The following NFYC variants were observed in gnomAD, a reference collection of about 807,000 sequenced individuals.
NFYC encodes CAAT box DNA-binding protein subunit C.
Under a neutral mutation model 53.1 loss-of-function variants are expected in NFYC, and 25 were observed. The ratio of observed to expected loss-of-function variants is 0.47; its 90% CI spans 0.34 to 0.66. The LOEUF is 0.66. NFYC is among the 30% of genes least tolerant of loss of function. The pLI is 0.01. For missense variants in NFYC, 260 were observed against 422.7 expected, an observed-to-expected ratio of 0.62 and a Z score of 3.38; for synonymous variants, 145 against 152.6, an observed-to-expected ratio of 0.95 and a Z score of 0.37.
At chr1:40,693,515 A>G (rs1174407550) in intron 1 of NFYC, among the ~76,000 whole-genome samples, 4 of 152,336 alleles carry the variant, frequency 2.6e-5, no homozygotes, top group South Asian at 2.1e-4. Context: ...TTTTATGTGA[A>G]TGCAACTACA....
intron 1 of NFYC, among the ~76,000 whole-genome samples, chr1:40,736,786 A>T (rs910811417): frequency 3.0e-5 from 4 of 135,382 alleles, no homozygotes; most frequent in African/African-American, 1.1e-4. Context: ...CAGATTTGGG[A>T]TGCTCAACCA....
At position 40,736,820 on chromosome 1, in the gene NFYC, CAAAAAAA is replaced by C. The variant is rs71060396; in HGVS notation, c.-8-1998_-8-1992del. On this transcript the variant is annotated intron_variant, in intron 1 of 9. Transcript: ENST00000447388. ...CAGTAAGTATAATGCAAACTTATTC[CAAAAAAA>C]AAAAAAAAAAAAAAAAAGGCTGGGC... Among the ~76,000 whole-genome samples the C allele has an allele frequency of 1.2e-3, 76 of 63,686 alleles. No individual in the cohort carries two copies. In the East Asian group the frequency reaches 0.019, roughly 16 times the overall value. 41.8% of individuals were successfully genotyped at this position (63,686 alleles called of 152,430 possible).
intron 1 of NFYC, among the ~76,000 whole-genome samples, chr1:40,708,217 A>G (rs1643812874): frequency 6.6e-6 from 1 of 151,674 alleles, no homozygotes. Flanking sequence ...TGGAAGCTGC[A>G]GTGGGAAGAT....
intron 4 of NFYC, among the ~76,000 whole-genome samples, chr1:40,750,212 C>G (rs1239802041): frequency 2.0e-5 from 3 of 151,700 alleles, no homozygotes; most frequent in Non-Finnish European, 4.4e-5. Flanking sequence ...ATGCAGAGCC[C>G]TTGGTCATTG....
intron 1 of NFYC, among the ~76,000 whole-genome samples, chr1:40,694,533 G>A (rs923321187): frequency 1.3e-5 from 2 of 152,216 alleles, no homozygotes; most frequent in African/African-American, 2.4e-5. Flanking sequence ...GGTCATTTCA[G>A]CCTCATTTGG....
chr1:40,746,589 T>G (rs1286813193), intron 2 of NFYC, among the ~76,000 whole-genome samples: 2 of 152,346 alleles, frequency 1.3e-5, no homozygotes, highest in African/African-American at 4.8e-5. Flanking sequence ...GAATCAATCA[T>G]TTGACACCTA....
intron 1 of NFYC, among the ~76,000 whole-genome samples, chr1:40,703,480 T>TAAAAAAAAAAAGAA (rs1171696651): frequency 1.0e-5 from 1 of 97,738 alleles, no homozygotes; most frequent in Non-Finnish European, 1.9e-5. Flanking sequence ...CAATTAGCCC[T>TAAAAAAAAAAAGAA]AAAAAAAAAA....
intron 3 of NFYC, among the ~76,000 whole-genome samples, chr1:40,747,893 T>C (rs1645699402): frequency 6.6e-6 from 1 of 151,562 alleles, no homozygotes; most frequent in African/African-American, 2.4e-5. Context: ...CGCAGTGCAG[T>C]GGTGCGAGCT....
At chr1:40,691,923 G>A (rs577049896) in intron 1 of NFYC, 56 bp downstream of exon 1, 15 of 341,448 alleles carry the variant, frequency 4.4e-5, no homozygotes, top group African/African-American at 2.9e-4. Context: ...GGCGGCGGGG[G>A]GAGGGGCAGC....
chr1:40,716,157 G>T (rs1036510359), intron 1 of NFYC, among the ~76,000 whole-genome samples: 4 of 152,106 alleles, frequency 2.6e-5, no homozygotes, highest in African/African-American at 9.7e-5. Context: ...TTTTTGTGGA[G>T]ACTTTAAAAA....
intron 4 of NFYC, among the ~76,000 whole-genome samples, chr1:40,752,854 A>G (rs1231819924): frequency 1.3e-5 from 2 of 152,032 alleles, no homozygotes; most frequent in African/African-American, 4.8e-5. Flanking sequence ...TGAGATTACT[A>G]GGTTTGTAAT....
At chr1:40,718,742 A>G (rs1644227541) in intron 1 of NFYC, among the ~76,000 whole-genome samples, 1 of 152,234 alleles carries the variant, frequency 6.6e-6, no homozygotes, top group African/African-American at 2.4e-5. Flanking sequence ...TAGGTATTCT[A>G]TGGTATTCCT....
intron 9 of NFYC, among the ~76,000 whole-genome samples, chr1:40,769,768 C>T (rs1054246903): frequency 6.6e-6 from 1 of 152,058 alleles, no homozygotes; most frequent in South Asian, 2.1e-4. Context: ...TATTTTTTTC[C>T]CCTCTAAGCC....
intron 1 of NFYC, chr1:40,712,937 A>C (rs1313954948): frequency 1.3e-5 from 2 of 152,112 alleles, no homozygotes; most frequent in African/African-American, 4.8e-5. Context: ...CCTGGACTCA[A>C]GTGATCCTCC....
rs556604706 is a variant in NFYC at position 40,753,073 on chromosome 1, C to A, written c.292-78C>A. The A allele has an allele frequency of 4.5e-5, 47 of 1,047,708 alleles. No homozygotes were observed. The East Asian group carries it at 9.5e-4, about 21-fold the overall frequency. 64.9% of individuals were successfully genotyped at this position (1,047,708 alleles called of 1,614,324 possible). On this transcript the variant is annotated intron_variant, in intron 4 of 9. Transcript: ENST00000447388. ...TTAGTTTGGCTTAAAAGTCGTCTTA[C>A]CTTACTTGGAGGGTATAAAGCCAAG... is the stretch of plus-strand genomic sequence containing the variant.
intron 8 of NFYC, among the ~76,000 whole-genome samples, chr1:40,768,044 G>A (rs1237141801): frequency 6.6e-6 from 1 of 152,220 alleles, no homozygotes; most frequent in Non-Finnish European, 1.5e-5. Flanking sequence ...AGAGGCTGGG[G>A]AGAAGCAAGA....
At chr1:40,768,180 G>A (rs1457759537) in intron 8 of NFYC, among the ~76,000 whole-genome samples, 2 of 152,194 alleles carry the variant, frequency 1.3e-5, no homozygotes, top group African/African-American at 4.8e-5. Context: ...TAAATAAAAT[G>A]TAAAGGTAAA....
chr1:40,717,056 C>T (rs541678217), intron 1 of NFYC, among the ~76,000 whole-genome samples: 28 of 152,188 alleles, frequency 1.8e-4, no homozygotes, highest in African/African-American at 6.3e-4. Context: ...GCAGCTTGTA[C>T]ATGAAGGACT....
At chr1:40,767,147 T>TTCTCC (rs1646854932) in intron 8 of NFYC, 1 of 634,010 alleles carries the variant, frequency 1.6e-6, no homozygotes, top group Non-Finnish European at 2.8e-6. Flanking sequence ...AAAATTGCCC[T>TTCTCC]TCTCCTCTCC....
Sources: allele counts gnomAD v4.1 joint callset (sites outside exome capture counted in the v4.1 genomes callset), GRCh38; gene constraint gnomAD v4.1.1; transcripts MANE v1.5; gene names NCBI Gene and HGNC (gene_info 2026-07-23, HGNC 2026-07-21).